The following EZR variants were observed in gnomAD, a reference collection of about 807,000 sequenced individuals.
EZR encodes the protein ezrin, also known as cytovillin 2.
EZR carries 40 observed loss-of-function variants against 74.8 expected under a neutral mutation model. The observed-to-expected ratio is 0.53, with a 90% CI of 0.42 to 0.70. EZR has a LOEUF of 0.70. EZR is among the 30% of genes least tolerant of loss of function. EZR has a pLI of 0.00. For missense variants in EZR, 678 were observed against 755.8 expected (o/e 0.90, Z 1.21); for synonymous variants, 341 against 283.3 (o/e 1.20, Z -2.05).
At chr6:158,796,360 A>T (rs535795623) in intron 2 of EZR, among the ~76,000 whole-genome samples, 1 of 152,376 alleles carries the variant, frequency 6.6e-6, no homozygotes, top group Non-Finnish European at 1.5e-5. Flanking sequence ...ATTAAAACAA[A>T]ATAAACCCAA....
At chr6:158,799,664 T>A (rs1208157669) in intron 2 of EZR, among the ~76,000 whole-genome samples, 1 of 152,282 alleles carries the variant, frequency 6.6e-6, no homozygotes, top group Non-Finnish European at 1.5e-5. Flanking sequence ...CCACAAATGC[T>A]GGCTAACAGC....
At position 158,765,814 on chromosome 6, in the gene EZR, T is replaced by G. The variant is rs1052453931; in HGVS notation, c.*1100A>C. 4 of 152,208 alleles carry G rather than the reference T, an allele frequency of 2.6e-5. No individual in the cohort carries two copies. Among genetic ancestry groups the G allele is most frequent in the Non-Finnish European group, 4.4e-5 (3 of 68,040 alleles). The allele number at this position is 152,208 out of a possible 1,614,324, so 9.4% of individuals were successfully genotyped here. ...CCACCTGCACATGGCATCTTAGCTG[T>G]GAAGGAGAAAGCAGTGCACGAGAAG... On this transcript the variant is annotated 3_prime_UTR_variant, in exon 14 of 14. Coordinates refer to ENST00000367075, the MANE Select transcript of EZR (RefSeq NM_001111077.2).
At chr6:158,792,305 G>C (rs1033132283) in intron 2 of EZR, among the ~76,000 whole-genome samples, 1 of 150,614 alleles carries the variant, frequency 6.6e-6, no homozygotes, top group Admixed American at 6.6e-5. Context: ...TCTGCCTCCT[G>C]GGTTCAAACG....
In EZR at chr6:158,786,914, TG is replaced by T. The variant is rs3839486; in HGVS notation, c.192+193del. 1.1e-3 allele frequency among the ~76,000 whole-genome samples: 171 copies of T among 152,350 alleles called. No homozygotes were observed. In the East Asian group the frequency reaches 0.031, roughly 27 times the overall value. On this transcript the variant is annotated intron_variant, in intron 4 of 13. Coordinates refer to ENST00000367075, the MANE Select transcript of EZR (RefSeq NM_001111077.2). The stretch of plus-strand genomic sequence containing the variant: ...CATATGCTCCAATGAGTGAGCACTA[TG>T]GAGAAATGCCAGATCTGATTTCCAA...
At chr6:158,788,659 A>AC (rs1791648748) in intron 3 of EZR, among the ~76,000 whole-genome samples, 2 of 152,166 alleles carry the variant, frequency 1.3e-5, no homozygotes, top group Admixed American at 1.3e-4. Flanking sequence ...AGAAAAAAAA[A>AC]AAAAACAACG....
chr6:158,810,698 C>T (rs1562507871), intron 2 of EZR, among the ~76,000 whole-genome samples: 1 of 152,096 alleles, frequency 6.6e-6, no homozygotes, highest in Non-Finnish European at 1.5e-5. Context: ...CTTGAGAAGA[C>T]CAATGGACAA....
rs201376521 is a variant in EZR, at chr6:158,785,473, A to G, written c.303T>C (p.Leu101=). ...EELIQDITQK[L]FFLQVKEGIL... is the part of the protein sequence containing the mutation. ...TTCCTTCCTTCACTTGGAGGAAGAA[A>G]AGTTTCTGGGTGATGTCCTGGATGA... The change falls in exon 5 of 14, where the codon CTT becomes CTC. Residue 101 remains leucine, a synonymous_variant. Transcript: ENST00000367075. 9.3e-6 allele frequency: 15 copies of G among 1,614,144 alleles called. No individual in the cohort carries two copies. Among genetic ancestry groups the G allele is most frequent in the African/African-American group, 2.7e-5 (2 of 75,030 alleles).
intron 2 of EZR, among the ~76,000 whole-genome samples, chr6:158,793,964 C>G (rs1008052404): frequency 6.6e-6 from 1 of 152,120 alleles, no homozygotes; most frequent in Non-Finnish European, 1.5e-5. Context: ...TCTACTTATC[C>G]AAGGGCTTGG....
intron 6 of EZR, 109 bp from the exon 7 acceptor site, chr6:158,783,775 A>C: frequency 2.5e-6 from 3 of 1,218,126 alleles, no homozygotes; most frequent in Non-Finnish European, 3.5e-6. Context: ...GGATGGGCTC[A>C]ATGCTGTGTG....
rs2128564958 is a variant in EZR, at chr6:158,769,930, T to A, written c.1105A>T (p.Ile369Phe). The change falls in exon 11 of 14, where the codon ATT becomes TTT. Residue 369 changes from isoleucine to phenylalanine, a missense_variant. By Grantham distance (21) the Ile-to-Phe change is conservative. Transcript: ENST00000367075. ...KKAERELSEQ[I>F]QRALQLEEER... Reference sequence around the variant, plus strand: ...TCCTCCAGCTGCAGGGCCCTCTGAATCTGCTCCGAGAGCTCTGCAAAGACA... The same window carrying A: ...TCCTCCAGCTGCAGGGCCCTCTGAAACTGCTCCGAGAGCTCTGCAAAGACA... The A allele has an allele frequency of 6.2e-7, 1 of 1,611,174 alleles. No homozygotes were observed. The highest frequency in any genetic ancestry group is 2.2e-5 in the East Asian group (1 of 44,880).
At chr6:158,777,119 G>A (rs1343172390) in intron 7 of EZR, among the ~76,000 whole-genome samples, 1 of 152,190 alleles carries the variant, frequency 6.6e-6, no homozygotes, top group Non-Finnish European at 1.5e-5. Context: ...ACAGACTGTT[G>A]AATGTTATTT....
chr6:158,809,802 C>T (rs925572956), intron 2 of EZR, among the ~76,000 whole-genome samples: 1 of 152,170 alleles, frequency 6.6e-6, no homozygotes, highest in Admixed American at 6.5e-5. Context: ...GTATTTTAGG[C>T]TTTGAGGGTC....
chr6:158,767,157 A>G (rs1238850176), intron 13 of EZR, 79 bp from the exon 14 acceptor site: 2 of 1,590,992 alleles, frequency 1.3e-6, no homozygotes, highest in Non-Finnish European at 1.7e-6. Flanking sequence ...CAGGAAGGGC[A>G]AGAGGGGTGC....
intron 8 of EZR, among the ~76,000 whole-genome samples, chr6:158,772,434 G>A (rs978464855): frequency 1.3e-5 from 2 of 152,230 alleles, no homozygotes; most frequent in South Asian, 2.1e-4. Context: ...AGATGCTGGC[G>A]TCCCCGCCTT....
At chr6:158,790,339 C>T (rs1791705236) in intron 2 of EZR, among the ~76,000 whole-genome samples, 1 of 152,086 alleles carries the variant, frequency 6.6e-6, no homozygotes, top group Non-Finnish European at 1.5e-5. Context: ...GATGGGAGGG[C>T]CTTAAAATAT....
intron 2 of EZR, among the ~76,000 whole-genome samples, chr6:158,798,204 T>G (rs1777113332): frequency 8.1e-6 from 1 of 123,366 alleles, no homozygotes; most frequent in African/African-American, 2.7e-5. Context: ...TGTGTGGCTG[T>G]CACTTCTGTC....
chr6:158,812,247 G>C (rs1777465237), intron 2 of EZR, among the ~76,000 whole-genome samples: 1 of 152,216 alleles, frequency 6.6e-6, no homozygotes, highest in South Asian at 2.1e-4. Flanking sequence ...CAGCCGGACT[G>C]TAAGGCGGCT....
chr6:158,796,281 C>G (rs146681371), intron 2 of EZR, among the ~76,000 whole-genome samples: 14 of 152,374 alleles, frequency 9.2e-5, no homozygotes, highest in Middle Eastern at 3.4e-3. Context: ...CACTCCAATG[C>G]AACCGACATG....
intron 12 of EZR, among the ~76,000 whole-genome samples, chr6:158,768,400 C>G (rs1790983862): frequency 6.6e-6 from 1 of 152,028 alleles, no homozygotes; most frequent in African/African-American, 2.4e-5. Flanking sequence ...GTTGTGAGAA[C>G]AGCCTAATAC....
Sources: gnomAD v4.1 joint callset for allele counts (sites outside exome capture counted in the v4.1 genomes callset) on GRCh38, gnomAD v4.1.1 for gene constraint, MANE v1.5 for transcripts, NCBI Gene and HGNC (gene_info 2026-07-23, HGNC 2026-07-21) for gene names.